Variants in CRACD observed in about 807,000 individuals in gnomAD.
The protein encoded by CRACD is capping protein-inhibiting regulator of actin dynamics.
In CRACD, 56 loss-of-function variants were observed where a neutral mutation model predicts 106.8. The ratio of observed to expected loss-of-function variants is 0.52; its 90% CI spans 0.42 to 0.66. The LOEUF (loss-of-function observed/expected upper bound fraction) is 0.66. Among genes scored for constraint, CRACD ranks in the 30% least tolerant of loss-of-function variants. The pLI is 0.00. For missense variants in CRACD, 1,730 were observed against 1,623.2 expected (o/e 1.07, Z -1.13); for synonymous variants, 754 against 670.8 (o/e 1.12, Z -1.92).
rs180732337 is a variant in CRACD, at chr4:56,143,027, A to G, written c.-335-36257A>G. 3.9e-3 allele frequency among the ~76,000 whole-genome samples: 594 copies of G among 151,580 alleles called. 10 individuals are homozygous for G. Among genetic ancestry groups the G allele is most frequent in the Non-Finnish European group, 5.4e-3 (368 of 67,838 alleles). Reference sequence around the variant, plus strand: ...TTTTTTTTTTTACATATTATCAATCATTTACCTTGCTAGAAAAAATTTTAG... The same window carrying G: ...TTTTTTTTTTTACATATTATCAATCGTTTACCTTGCTAGAAAAAATTTTAG... On this transcript the variant is annotated intron_variant, in intron 1 of 10. Coordinates refer to ENST00000682029, the MANE Select transcript of CRACD (RefSeq NM_001393381.1).
At chr4:56,235,503 C>T (rs1471469) in intron 2 of CRACD, among the ~76,000 whole-genome samples, 122,041 of 152,178 alleles carry the variant, frequency 0.8, 50,904 homozygotes, top group East Asian at 0.94. Flanking sequence ...TTGAATTGCT[C>T]TCTTTGAACA....
chr4:56,087,451 TTCC>T (rs1733266790), intron 1 of CRACD, among the ~76,000 whole-genome samples: 2 of 152,224 alleles, frequency 1.3e-5, no homozygotes, highest in Non-Finnish European at 2.9e-5. Flanking sequence ...TTCTTGGATC[TTCC>T]TCTCGCTTCT....
chr4:56,069,667 T>C lies in CRACD; in HGVS notation c.-336+20368T>C, dbSNP rs148306880. On this transcript the variant is annotated intron_variant, in intron 1 of 10. Coordinates refer to ENST00000682029, the MANE Select transcript of CRACD (RefSeq NM_001393381.1). ...CAGATGACTTCCCCCCAGGGAACAT[T>C]ATATATCAGGGAAAGAAGAAAGGAT... Among the ~76,000 whole-genome samples, 107 of 152,268 alleles carry C rather than the reference T, an allele frequency of 7.0e-4. 1 individual carries two copies. Among genetic ancestry groups the C allele is most frequent in the African/African-American group, 2.6e-3 (107 of 41,550 alleles).
At chr4:56,244,710 A>G (rs1740583044) in intron 2 of CRACD, among the ~76,000 whole-genome samples, 1 of 152,218 alleles carries the variant, frequency 6.6e-6, no homozygotes, top group South Asian at 2.1e-4. Context: ...TCCATGATGA[A>G]AGGGTTAATA....
rs988752201 is a variant in CRACD at position 56,179,320 on chromosome 4, T to C, written c.-299T>C. ...AGTGATTCCCAGGCTTTCTCAGCAA[T>C]GTACCCCATTTCCTGACATTTACAG... On this transcript the variant is annotated 5_prime_UTR_variant, in exon 2 of 11. The change abolishes an upstream ATG in the 5' untranslated region. Coordinates refer to ENST00000682029, the MANE Select transcript of CRACD (RefSeq NM_001393381.1). 4.6e-5 allele frequency: 7 copies of C among 152,078 alleles called. No homozygotes were observed. The highest frequency in any genetic ancestry group is 7.2e-5 in the African/African-American group (3 of 41,422). 9.4% of individuals were successfully genotyped at this position (152,078 alleles called of 1,614,324 possible). A position where few individuals can be genotyped will look rare whatever the true frequency, so the allele number is the denominator to read the frequency against.
chr4:56,300,244 C>T (rs1744288788), intron 4 of CRACD, among the ~76,000 whole-genome samples: 1 of 152,188 alleles, frequency 6.6e-6, no homozygotes, highest in Non-Finnish European at 1.5e-5. Flanking sequence ...TTCCACATAA[C>T]ACCCAGCTAA....
chr4:56,235,957 C>T (rs1311026802), intron 2 of CRACD, among the ~76,000 whole-genome samples: 1 of 152,150 alleles, frequency 6.6e-6, no homozygotes, highest in African/African-American at 2.4e-5. Flanking sequence ...GTGCATGAAT[C>T]TGGGCCTCCA....
chr4:56,093,458 C>A (rs561183599), intron 1 of CRACD, among the ~76,000 whole-genome samples: 3 of 152,220 alleles, frequency 2.0e-5, no homozygotes, highest in African/African-American at 4.8e-5. Flanking sequence ...ATAATTATTT[C>A]CGTTTTACAA....
In CRACD at chr4:56,330,490, T is replaced by G. The variant is rs2109815133; in HGVS notation, c.*2686T>G. 6.6e-6 allele frequency among the ~76,000 whole-genome samples: 1 copy of G among 152,320 alleles called. No individual in the cohort carries two copies. Among genetic ancestry groups the G allele is most frequent in the East Asian group, 1.9e-4 (1 of 5,190 alleles). On this transcript the variant is annotated 3_prime_UTR_variant, in exon 11 of 11. Coordinates refer to ENST00000682029, the MANE Select transcript of CRACD (RefSeq NM_001393381.1). ...TTTTTACCAACAGTAAAGTAGAGAC[T>G]TAATGAAAATACCTTAGTGTGATTT...
intron 2 of CRACD, among the ~76,000 whole-genome samples, chr4:56,218,608 T>C (rs1272008639): frequency 7.4e-6 from 1 of 134,758 alleles, no homozygotes; most frequent in Non-Finnish European, 1.6e-5. Context: ...TTCCCTTCCC[T>C]CTTTTCTTTC....
At chr4:56,182,738 T>C (rs1207515853) in intron 2 of CRACD, among the ~76,000 whole-genome samples, 1 of 152,188 alleles carries the variant, frequency 6.6e-6, no homozygotes, top group East Asian at 1.9e-4. Context: ...ACTTAGGAAA[T>C]AGATGCTTTT....
intron 1 of CRACD, among the ~76,000 whole-genome samples, chr4:56,159,765 A>G (rs114220298): frequency 0.013 from 1,960 of 152,284 alleles, 18 homozygotes; most frequent in Admixed American, 0.041. Flanking sequence ...ATATTAAAAT[A>G]TTAAAAATAA....
At chr4:56,104,951 A>T (rs1322995892) in intron 1 of CRACD, among the ~76,000 whole-genome samples, 1 of 148,128 alleles carries the variant, frequency 6.8e-6, no homozygotes, top group East Asian at 2.0e-4. Context: ...TGGGCGACAG[A>T]GCAAGACTCC....
Position 56,314,222 on chromosome 4 carries a change from G to T in CRACD, c.720G>T (p.Ala240=), listed in dbSNP as rs758326958. 19 of 1,601,200 alleles carry T rather than the reference G, an allele frequency of 1.2e-5. No homozygotes were observed. In the East Asian group the frequency reaches 3.8e-4, roughly 32 times the overall value. ...ELEAKCKRQK[A]EAAEKRRLEE... ...AGGCCAAGTGCAAGCGGCAAAAGGC[G>T]GAAGCAGCCGAGAAGAGACGCCTAG... Residue 240 remains alanine (A), a synonymous_variant, in exon 8 of 11, where the codon GCG becomes GCT. Transcript: ENST00000682029. The surrounding 1 kb of genome is among the most constrained non-coding windows in gnomAD (Gnocchi z 4.4).
intron 3 of CRACD, among the ~76,000 whole-genome samples, chr4:56,282,642 T>C (rs1240224419): frequency 6.6e-6 from 1 of 152,182 alleles, no homozygotes; most frequent in East Asian, 1.9e-4. Context: ...TCTGAGTCCC[T>C]TTTTCTCTGG....
chr4:56,328,116 C>T lies in CRACD; in HGVS notation c.*312C>T, dbSNP rs1746579114. 2.7e-6 allele frequency: 1 copy of T among 369,050 alleles called. No homozygotes were observed. The highest frequency in any genetic ancestry group is 5.2e-6 in the Non-Finnish European group (1 of 193,718). The allele number at this position is 369,050 out of a possible 1,614,324, so 22.9% of individuals were successfully genotyped here. A position where few individuals can be genotyped will look rare whatever the true frequency, so the allele number is the denominator to read the frequency against. On this transcript the variant is annotated 3_prime_UTR_variant, in exon 11 of 11. Coordinates refer to ENST00000682029, the MANE Select transcript of CRACD (RefSeq NM_001393381.1). ...CATGCCCATTTCATGGCCTTGCACA[C>T]ACACCCACCCACACACCATTCAGAA...
intron 1 of CRACD, among the ~76,000 whole-genome samples, chr4:56,171,718 C>A (rs745840639): frequency 2.0e-5 from 3 of 152,086 alleles, no homozygotes; most frequent in Non-Finnish European, 4.4e-5. Context: ...TGTAGCTTAG[C>A]TAAGAAATGT....
chr4:56,226,115 T>C (rs554262204), intron 2 of CRACD, among the ~76,000 whole-genome samples: 1 of 126,304 alleles, frequency 7.9e-6, no homozygotes, highest in African/African-American at 3.3e-5. Context: ...CCACATACCA[T>C]TGGGTCACGT....
rs1269514245 is a variant in CRACD at position 56,205,300 on chromosome 4, G to A, written c.-189+25870G>A. Among the ~76,000 whole-genome samples, 5 of 152,146 alleles carry A rather than the reference G, an allele frequency of 3.3e-5. No homozygotes were observed. The South Asian group carries it at 6.2e-4, about 19-fold the overall frequency. On this transcript the variant is annotated intron_variant, in intron 2 of 10. Transcript: ENST00000682029. ...ATGGGTCCTTTAAAACCCTGTATATGTTCCTACTGTGAAATTATATTAGGG... is the reference window on the plus strand; with the variant it reads ...ATGGGTCCTTTAAAACCCTGTATATATTCCTACTGTGAAATTATATTAGGG...
Sources: gnomAD v4.1 joint callset for allele counts (sites outside exome capture counted in the v4.1 genomes callset) on GRCh38, gnomAD v4.1.1 for gene constraint, Gnocchi (gnomAD v3.1) non-coding constraint, MANE v1.5 for transcripts, NCBI Gene and HGNC (gene_info 2026-07-23, HGNC 2026-07-21) for gene names.